Variants in VIT observed in about 807,000 individuals in gnomAD.
The protein encoded by VIT is vitrin.
VIT carries 99 observed loss-of-function variants against 78.0 expected under a neutral mutation model. The ratio of observed to expected loss-of-function variants is 1.27; its 90% CI spans 1.08 to 1.50. The LOEUF (loss-of-function observed/expected upper bound fraction) is 1.50. VIT is among the 40% of genes most tolerant of loss of function. The pLI, the probability that VIT is intolerant of heterozygous loss-of-function variation, is 0.00. For synonymous variants in VIT, 374 were observed against 334.3 expected, an observed-to-expected ratio of 1.12 and a Z score of -1.29; for missense variants, 1,126 against 875.3, an observed-to-expected ratio of 1.29 and a Z score of -3.61.
intron 9 of VIT, among the ~76,000 whole-genome samples, chr2:36,775,881 C>T (rs2148606959): frequency 6.6e-6 from 1 of 152,340 alleles, no homozygotes; most frequent in East Asian, 1.9e-4. Context: ...GCCATTTGCA[C>T]ACCCTGAGTA....
chr2:36,813,036 C>CA lies in VIT; in HGVS notation c.1904-1127dup, dbSNP rs113165454. On this transcript the variant is annotated intron_variant, in intron 15 of 15. Transcript: ENST00000379242. ...GCCACCACCCCTGGCTAATTTTTTG[C>CA]AAAAAAAAAAAAAAAAAAAATAGGA... Among the ~76,000 whole-genome samples the CA allele has an allele frequency of 2.4e-3, 296 of 125,062 alleles. 1 individual carries two copies. The highest frequency in any genetic ancestry group is 7.9e-3 in the African/African-American group (229 of 29,168). The allele number at this position is 125,062 out of a possible 152,430, so 82.0% of individuals were successfully genotyped here. A position where few individuals can be genotyped will look rare whatever the true frequency, so the allele number is the denominator to read the frequency against.
intron 14 of VIT, among the ~76,000 whole-genome samples, 181 bp from the exon 15 acceptor site, chr2:36,808,291 C>G (rs1415108419): frequency 6.6e-6 from 1 of 152,196 alleles, no homozygotes; most frequent in African/African-American, 2.4e-5. Context: ...AGCGATAACC[C>G]GGGGGCTTCG....
At chr2:36,770,022 C>A (rs2148591931) in intron 7 of VIT, among the ~76,000 whole-genome samples, 1 of 152,348 alleles carries the variant, frequency 6.6e-6, no homozygotes, top group East Asian at 1.9e-4. Flanking sequence ...CTGTGATAGA[C>A]AAGTGAGCTG....
chr2:36,759,961 C>A (rs1189901074), intron 6 of VIT, among the ~76,000 whole-genome samples: 1 of 151,848 alleles, frequency 6.6e-6, no homozygotes, highest in Non-Finnish European at 1.5e-5. Flanking sequence ...ACAGAAACCC[C>A]TCTCTAAACC....
chr2:36,730,591 G>A (rs374334511), intron 3 of VIT, among the ~76,000 whole-genome samples: 8 of 152,314 alleles, frequency 5.3e-5, no homozygotes, highest in African/African-American at 7.2e-5. Flanking sequence ...AACCCCAGCC[G>A]GTGGTGCCTC....
chr2:36,703,599 G>T (rs540614749), intron 1 of VIT, among the ~76,000 whole-genome samples: 2 of 152,186 alleles, frequency 1.3e-5, no homozygotes, highest in African/African-American at 4.8e-5. Context: ...TAACGTTTGC[G>T]TGTGAGACAG....
intron 1 of VIT, among the ~76,000 whole-genome samples, chr2:36,699,659 TA>T (rs1664921133): frequency 2.6e-5 from 4 of 151,810 alleles, no homozygotes; most frequent in African/African-American, 4.8e-5. Flanking sequence ...GATAGATAGA[TA>T]GATAGATATG....
rs575326376 is a variant in VIT at position 36,763,017 on chromosome 2, A to T, written c.487+3971A>T. On this transcript the variant is annotated intron_variant, in intron 6 of 15. Coordinates refer to ENST00000379242, the MANE Select transcript of VIT (RefSeq NM_053276.4). ...GTGTTGCTTTGTAGAAGTTTTTTTA[A>T]AAAAAACTAGGAAGGCACATTCCTA... is the stretch of plus-strand genomic sequence containing the variant. 2.8e-3 allele frequency among the ~76,000 whole-genome samples: 431 copies of T among 152,266 alleles called. 3 individuals are homozygous for T. Among genetic ancestry groups the T allele is most frequent in the African/African-American group, 0.01 (419 of 41,566 alleles).
At chr2:36,760,681 G>A (rs1052864690) in intron 6 of VIT, among the ~76,000 whole-genome samples, 1 of 152,202 alleles carries the variant, frequency 6.6e-6, no homozygotes, top group African/African-American at 2.4e-5. Flanking sequence ...GGTAGGTGAT[G>A]TGTGTAGATA....
At chr2:36,718,151 G>T (rs918982022) in intron 2 of VIT, among the ~76,000 whole-genome samples, 47 of 152,174 alleles carry the variant, frequency 3.1e-4, no homozygotes, top group African/African-American at 1.1e-3. Flanking sequence ...TCTGCAATGA[G>T]CCCATTTCCA....
rs1002597571 is a variant in VIT, at chr2:36,808,716, C to T, written c.1634C>T (p.Thr545Met). Residue 545 changes from threonine (T) to methionine (M), a missense_variant, in exon 15 of 16, where the codon ACG (threonine) becomes ATG (methionine). Transcript: ENST00000379242. ...ACCAAAGAGTTTGAGATTTCCGACACGGACACGCGCATCGGGGCCGTGCAG... is the reference window on the plus strand; with the variant it reads ...ACCAAAGAGTTTGAGATTTCCGACATGGACACGCGCATCGGGGCCGTGCAG... ...NLTKEFEISDTDTRIGAVQYT... is the reference protein window; with the variant it reads ...NLTKEFEISDMDTRIGAVQYT... The T allele has an allele frequency of 2.5e-6, 4 of 1,614,230 alleles. No individual in the cohort carries two copies. Among genetic ancestry groups the T allele is most frequent in the African/African-American group, 2.7e-5 (2 of 75,062 alleles).
chr2:36,782,532 A>G (rs983083909), intron 10 of VIT, among the ~76,000 whole-genome samples: 1 of 152,230 alleles, frequency 6.6e-6, no homozygotes, highest in African/African-American at 2.4e-5. Context: ...GAATCCCGGA[A>G]CTTCCGGGCC....
At chr2:36,717,438 G>A (rs1224432737) in intron 2 of VIT, among the ~76,000 whole-genome samples, 2 of 133,520 alleles carry the variant, frequency 1.5e-5, no homozygotes, top group Non-Finnish European at 3.3e-5. Context: ...GGGTTTCACC[G>A]TGTTAGCCAG....
At chr2:36,777,473 G>T (rs927527491) in intron 9 of VIT, among the ~76,000 whole-genome samples, 1 of 152,054 alleles carries the variant, frequency 6.6e-6, no homozygotes, top group Admixed American at 6.6e-5. Context: ...AGGGCACCCC[G>T]AGCAGAACAC....
chr2:36,734,434 T>C (rs1305250603), intron 3 of VIT, among the ~76,000 whole-genome samples: 1 of 152,150 alleles, frequency 6.6e-6, no homozygotes, highest in Non-Finnish European at 1.5e-5. Context: ...TCTCCTAGAC[T>C]CTTGAGGATC....
intron 8 of VIT, 21 bp from the exon 9 acceptor site, chr2:36,774,981 G>C: frequency 6.2e-7 from 1 of 1,613,600 alleles, no homozygotes; most frequent in Admixed American, 1.7e-5. Context: ...TAAATCGGCT[G>C]ACCCTGTGTA....
chr2:36,708,110 T>TCCCCCCCCCCCCCCCCCCCCCCACCC (rs141908586), intron 1 of VIT, among the ~76,000 whole-genome samples: 1 of 137,788 alleles, frequency 7.3e-6, no homozygotes, highest in Non-Finnish European at 1.6e-5. Flanking sequence ...GTAAAGGACC[T>TCCCCCCCCCCCCCCCCCCCCCCACCC]CCCCCCCCCG....
intron 12 of VIT, among the ~76,000 whole-genome samples, chr2:36,788,814 C>G (rs986010410): frequency 6.6e-6 from 1 of 152,008 alleles, no homozygotes; most frequent in Non-Finnish European, 1.5e-5. Context: ...ATATAGCAAG[C>G]TTTATAGTAT....
chr2:36,806,926 T>C (rs751593956), intron 14 of VIT, among the ~76,000 whole-genome samples: 2 of 152,132 alleles, frequency 1.3e-5, no homozygotes, highest in Non-Finnish European at 2.9e-5. Context: ...CTCCACCTGA[T>C]GTTCTACCAG....
Sources: gnomAD v4.1 joint callset for allele counts (sites outside exome capture counted in the v4.1 genomes callset) on GRCh38, gnomAD v4.1.1 for gene constraint, MANE v1.5 for transcripts, NCBI Gene and HGNC (gene_info 2026-07-23, HGNC 2026-07-21) for gene names.